Variants in WDR33 observed in about 807,000 individuals in gnomAD.
WDR33 encodes WD repeat domain 33.
In WDR33, 47 loss-of-function variants were observed where a neutral mutation model predicts 164.9. That is an observed-to-expected ratio of 0.29 (90% CI 0.23 to 0.36). The LOEUF (loss-of-function observed/expected upper bound fraction) is 0.36, where lower values mean the gene tolerates loss of function less well. Ranked by LOEUF, WDR33 falls within the 10% of genes least tolerant of loss-of-function variation. The pLI is 1.00. For synonymous variants in WDR33, 505 were observed against 589.0 expected (o/e 0.86, Z 2.06); for missense variants, 1,137 against 1,754.1 (o/e 0.65, Z 6.28).
intron 1 of WDR33, among the ~76,000 whole-genome samples, chr2:127,806,216 T>G (rs552235385): frequency 1.3e-5 from 2 of 148,544 alleles, no homozygotes; most frequent in African/African-American, 2.5e-5. Context: ...TTTTCTTTTT[T>G]TTTTTTTTTT....
intron 1 of WDR33, among the ~76,000 whole-genome samples, chr2:127,778,397 A>G: frequency 6.6e-6 from 1 of 151,614 alleles, no homozygotes; most frequent in East Asian, 1.9e-4. Context: ...AGATCATGCC[A>G]CTGAACTCTA....
intron 1 of WDR33, among the ~76,000 whole-genome samples, chr2:127,779,197 G>C (rs1446484825): frequency 1.3e-5 from 2 of 151,762 alleles, no homozygotes; most frequent in Non-Finnish European, 2.9e-5. Flanking sequence ...GGCCAGGGTG[G>C]TGGCTCATGC....
rs962192103 is a variant in WDR33 at position 127,726,310 on chromosome 2, A to G, written c.851+341T>C. On this transcript the variant is annotated intron_variant, in intron 8 of 21. Transcript: ENST00000322313. The surrounding 1 kb of genome is among the most constrained non-coding windows in gnomAD (Gnocchi z 4.8). ...AGATGGAGAAGGCTGGGCCGTGTCT[A>G]GTAAGGGGCACACACGTCAACTCCT... Among the ~76,000 whole-genome samples the G allele has an allele frequency of 6.6e-6, 1 of 152,208 alleles. No individual in the cohort carries two copies. The highest frequency in any genetic ancestry group is 6.5e-5 in the Admixed American group (1 of 15,276).
chr2:127,744,273 AAG>A (rs1687106761), intron 7 of WDR33, among the ~76,000 whole-genome samples: 1 of 152,142 alleles, frequency 6.6e-6, no homozygotes, highest in African/African-American at 2.4e-5. Flanking sequence ...AAATTTACGT[AAG>A]TAACACAAAT....
chr2:127,713,019 A>C lies in WDR33; in HGVS notation c.3308+564T>G, dbSNP rs1329173475. Among the ~76,000 whole-genome samples, 1 of 152,144 alleles carries C rather than the reference A, an allele frequency of 6.6e-6. No individual in the cohort carries two copies. Among genetic ancestry groups the C allele is most frequent in the Non-Finnish European group, 1.5e-5 (1 of 68,032 alleles). On this transcript the variant is annotated intron_variant, in intron 18 of 21. Transcript: ENST00000322313. This position sits in a 1 kb window ranked among gnomAD's most constrained non-coding sequence, Gnocchi z 6.2. The stretch of plus-strand genomic sequence containing the variant: ...CGATCCTCCTGCCTCAGCCACCCAA[A>C]GTGCTGGGATTACAGGCGTGAGCCA...
At chr2:127,757,890 T>C (rs893193873) in intron 7 of WDR33, among the ~76,000 whole-genome samples, 3 of 152,198 alleles carry the variant, frequency 2.0e-5, no homozygotes, top group Non-Finnish European at 2.9e-5. Context: ...TCATCTCATG[T>C]AGTATAAACC....
At chr2:127,805,025 T>A (rs1009623475) in intron 1 of WDR33, among the ~76,000 whole-genome samples, 1 of 149,766 alleles carries the variant, frequency 6.7e-6, no homozygotes, top group African/African-American at 2.4e-5. Context: ...TAGAAGTATA[T>A]CCTCACAACA....
rs1243051872 is a variant in WDR33, at chr2:127,770,358, T to C, written c.204+420A>G. ...CCCACTAATTCAACTAACACAGGTA[T>C]ACATACTTACTACACTACATCTAGA... On this transcript the variant is annotated intron_variant, in intron 2 of 21. Coordinates refer to ENST00000322313, the MANE Select transcript of WDR33 (RefSeq NM_018383.5). The surrounding 1 kb of genome is among the most constrained non-coding windows in gnomAD (Gnocchi z 4.9). Among the ~76,000 whole-genome samples the C allele has an allele frequency of 6.6e-6, 1 of 152,206 alleles. No homozygotes were observed. The highest frequency in any genetic ancestry group is 1.5e-5 in the Non-Finnish European group (1 of 68,038).
chr2:127,711,780 A>ATATATTTTTTTTTTTTTT, intron 18 of WDR33, among the ~76,000 whole-genome samples: 28 of 88,296 alleles, frequency 3.2e-4, no homozygotes, highest in African/African-American at 9.7e-4. Context: ...ATATATATAT[A>ATATATTTTTTTTTTTTTT]TTTTTTTTTT....
intron 1 of WDR33, among the ~76,000 whole-genome samples, chr2:127,781,548 G>A (rs1688369719): frequency 6.6e-6 from 1 of 152,160 alleles, no homozygotes; most frequent in South Asian, 2.1e-4. Flanking sequence ...TTTACAATTT[G>A]TTATCATTGG....
At chr2:127,787,481 G>A (rs1173389388) in intron 1 of WDR33, among the ~76,000 whole-genome samples, 2 of 136,574 alleles carry the variant, frequency 1.5e-5, no homozygotes, top group Non-Finnish European at 1.6e-5. Flanking sequence ...CTGGCCGGGC[G>A]GGGGGCTGAC....
intron 7 of WDR33, among the ~76,000 whole-genome samples, chr2:127,760,716 G>T (rs1687649388): frequency 6.6e-6 from 1 of 152,148 alleles, no homozygotes; most frequent in South Asian, 2.1e-4. Flanking sequence ...ATATATTCAT[G>T]TCTCATATAC....
At chr2:127,746,616 C>A (rs1405107787) in intron 7 of WDR33, among the ~76,000 whole-genome samples, 2 of 152,156 alleles carry the variant, frequency 1.3e-5, no homozygotes, top group East Asian at 3.8e-4. Context: ...ACTTGACTTG[C>A]CCAGTGGCAA....
intron 1 of WDR33, among the ~76,000 whole-genome samples, chr2:127,795,379 G>A (rs950373278): frequency 1.3e-5 from 2 of 151,866 alleles, no homozygotes; most frequent in Non-Finnish European, 2.9e-5. Flanking sequence ...GATTAAAGGC[G>A]TGAGCCATCG....
In WDR33 at chr2:127,705,409, G is replaced by A. The variant is rs1685987352; in HGVS notation, c.*914C>T. ...GGTATTTCCACATAGTATGGAAGAG[G>A]AAGAGAGGAAAACTTAATTAAGTGT... On this transcript the variant is annotated 3_prime_UTR_variant, in exon 22 of 22. Transcript: ENST00000322313. The surrounding 1 kb of genome is among the most constrained non-coding windows in gnomAD (Gnocchi z 4.5). 6.5e-6 allele frequency: 1 copy of A among 152,954 alleles called. No homozygotes were observed. The allele number at this position is 152,954 out of a possible 1,614,324, so 9.5% of individuals were successfully genotyped here. A position where few individuals can be genotyped will look rare whatever the true frequency, so the allele number is the denominator to read the frequency against.
intron 1 of WDR33, among the ~76,000 whole-genome samples, chr2:127,785,223 T>C (rs1301431715): frequency 6.6e-6 from 1 of 152,168 alleles, no homozygotes; most frequent in Non-Finnish European, 1.5e-5. Context: ...AAAGTTCCCA[T>C]ACATTCTCTC....
chr2:127,769,495 T>C (rs958759720), intron 2 of WDR33, among the ~76,000 whole-genome samples: 4 of 151,544 alleles, frequency 2.6e-5, no homozygotes, highest in African/African-American at 9.7e-5. Context: ...CCCCACCCAC[T>C]CATCCAAGAT....
intron 1 of WDR33, among the ~76,000 whole-genome samples, chr2:127,796,235 G>A (rs1030772982): frequency 6.6e-6 from 1 of 151,694 alleles, no homozygotes; most frequent in Non-Finnish European, 1.5e-5. Flanking sequence ...ACCACATCTG[G>A]CTAATTTTTG....
intron 1 of WDR33, among the ~76,000 whole-genome samples, chr2:127,786,844 C>CTTTTTTGTTTTTT (rs1688594351): frequency 8.9e-6 from 1 of 111,876 alleles, no homozygotes; most frequent in African/African-American, 3.3e-5. Context: ...CCTTTCTGTT[C>CTTTTTTGTTTTTT]TTTTTTTTTT....
Sources: allele counts gnomAD v4.1 joint callset (sites outside exome capture counted in the v4.1 genomes callset), GRCh38; gene constraint gnomAD v4.1.1; non-coding constraint Gnocchi (gnomAD v3.1); transcripts MANE v1.5; gene names NCBI Gene and HGNC (gene_info 2026-07-23, HGNC 2026-07-21).